The following C8orf34 variants were observed in gnomAD, a reference collection of about 807,000 sequenced individuals.
C8orf34 encodes chromosome 8 open reading frame 34, also known as uncharacterized protein C8orf34.
Under a neutral mutation model 68.3 loss-of-function variants are expected in C8orf34, and 65 were observed. That is an observed-to-expected ratio of 0.95 (90% CI 0.78 to 1.17). The LOEUF (loss-of-function observed/expected upper bound fraction) is 1.17, where lower values mean the gene tolerates loss of function less well. Among genes scored for constraint, C8orf34 ranks in the 50% most tolerant of loss-of-function variants. The pLI, the probability that C8orf34 is intolerant of heterozygous loss-of-function variation, is 0.00. For missense variants in C8orf34, 664 were observed against 655.4 expected, an observed-to-expected ratio of 1.01 and a Z score of -0.14; for synonymous variants, 244 against 241.2, an observed-to-expected ratio of 1.01 and a Z score of -0.11.
intron 5 of C8orf34, among the ~76,000 whole-genome samples, chr8:68,503,905 T>C (rs1813890579): frequency 6.6e-6 from 1 of 152,160 alleles, no homozygotes. Flanking sequence ...GAATTTCATG[T>C]ATTATTTTAA....
chr8:68,488,782 G>A (rs1813186153), intron 5 of C8orf34, among the ~76,000 whole-genome samples: 1 of 152,096 alleles, frequency 6.6e-6, no homozygotes, highest in Admixed American at 6.6e-5. Context: ...TATATGAGTT[G>A]TTGCTTATGA....
intron 1 of C8orf34, among the ~76,000 whole-genome samples, chr8:68,429,002 A>G (rs1810343041): frequency 6.6e-6 from 1 of 152,152 alleles, no homozygotes; most frequent in Non-Finnish European, 1.5e-5. Flanking sequence ...AAAATAACGT[A>G]GGATAATATT....
chr8:68,401,891 G>A (rs556409649), intron 1 of C8orf34, among the ~76,000 whole-genome samples: 6 of 150,152 alleles, frequency 4.0e-5, no homozygotes, highest in South Asian at 2.1e-4. Context: ...GTGTGTGTTC[G>A]TATCTGGTTT....
At chr8:68,440,571 A>C (rs1210851519) in intron 2 of C8orf34, among the ~76,000 whole-genome samples, 1 of 152,084 alleles carries the variant, frequency 6.6e-6, no homozygotes, top group East Asian at 1.9e-4. Context: ...TAGAATATGA[A>C]CTTTTGGCAC....
intron 3 of C8orf34, chr8:68,448,098 T>G (rs1811197255): frequency 2.0e-5 from 3 of 152,132 alleles, no homozygotes; most frequent in Admixed American, 2.0e-4. Flanking sequence ...GTTCAAAACC[T>G]TAGGAGATTA....
chr8:68,353,055 C>G (rs1806581203), intron 1 of C8orf34, among the ~76,000 whole-genome samples: 2 of 152,022 alleles, frequency 1.3e-5, no homozygotes, highest in Non-Finnish European at 2.9e-5. Flanking sequence ...TTAGAAATTA[C>G]CTCCTTTTGA....
intron 8 of C8orf34, among the ~76,000 whole-genome samples, chr8:68,707,452 T>TA (rs555445874): frequency 1.1e-3 from 162 of 152,330 alleles, no homozygotes; most frequent in African/African-American, 3.8e-3. Flanking sequence ...AGCATATTAA[T>TA]AAGTGCTAAA....
intron 7 of C8orf34, among the ~76,000 whole-genome samples, chr8:68,608,613 G>T (rs1237464581): frequency 1.3e-5 from 2 of 151,648 alleles, no homozygotes; most frequent in Admixed American, 6.6e-5. Context: ...ATCAGGCAGG[G>T]TATGAAACAT....
chr8:68,467,845 T>A (rs2129629833), intron 3 of C8orf34, among the ~76,000 whole-genome samples: 1 of 152,168 alleles, frequency 6.6e-6, no homozygotes, highest in East Asian at 1.9e-4. Context: ...CTTTGAGAAG[T>A]CTGGTGTCAA....
intron 5 of C8orf34, among the ~76,000 whole-genome samples, chr8:68,508,199 T>C (rs1814108764): frequency 6.6e-6 from 1 of 152,238 alleles, no homozygotes; most frequent in African/African-American, 2.4e-5. Flanking sequence ...ACTCATCATA[T>C]GTAGCTAAAA....
chr8:68,806,009 C>T (rs141954374), intron 12 of C8orf34, among the ~76,000 whole-genome samples: 3 of 151,548 alleles, frequency 2.0e-5, no homozygotes, highest in African/African-American at 4.8e-5. Flanking sequence ...AAGATTCTTT[C>T]GATAGTTGTT....
chr8:68,433,303 C>G (rs1197309934), intron 1 of C8orf34, among the ~76,000 whole-genome samples: 2 of 152,094 alleles, frequency 1.3e-5, no homozygotes, highest in Non-Finnish European at 2.9e-5. Context: ...TGATAACATG[C>G]CATATGCTAT....
At chr8:68,492,459 C>A (rs141518270) in intron 5 of C8orf34, among the ~76,000 whole-genome samples, 60 of 152,060 alleles carry the variant, frequency 3.9e-4, no homozygotes, top group African/African-American at 1.4e-3. Flanking sequence ...AAACTCCCGG[C>A]CTTAAGCAAT....
At chr8:68,774,276 G>A (rs1823437408) in intron 10 of C8orf34, among the ~76,000 whole-genome samples, 1 of 146,192 alleles carries the variant, frequency 6.8e-6, no homozygotes, top group Admixed American at 6.9e-5. Context: ...AAGATAGTGT[G>A]GGAAGTTCAC....
At chr8:68,670,279 T>G (rs1387248320) in intron 8 of C8orf34, among the ~76,000 whole-genome samples, 1 of 152,164 alleles carries the variant, frequency 6.6e-6, no homozygotes, top group Non-Finnish European at 1.5e-5. Context: ...CAATCCTCAG[T>G]AAATGCAGGG....
chr8:68,747,662 G>A lies in C8orf34; in HGVS notation c.1404+26225G>A, dbSNP rs1248564467. On this transcript the variant is annotated intron_variant, in intron 10 of 13. Transcript: ENST00000518698. The stretch of plus-strand genomic sequence containing the variant: ...TGCTTCAAAGAGAATAAAATACCTA[G>A]GAATCCAACTTTCAAGGGATGTGAA... Among the ~76,000 whole-genome samples, 5 of 152,062 alleles carry A rather than the reference G, an allele frequency of 3.3e-5. No homozygotes were observed. The East Asian group carries it at 7.7e-4, about 24-fold the overall frequency.
chr8:68,715,013 C>T (rs753345134), intron 9 of C8orf34, among the ~76,000 whole-genome samples: 8 of 151,994 alleles, frequency 5.3e-5, no homozygotes, highest in Non-Finnish European at 8.8e-5. Flanking sequence ...CAAACAAAAA[C>T]ATAAAGTGGG....
rs546256670 is a variant in C8orf34 at position 68,713,184 on chromosome 8, G to A, written c.1327+4105G>A. 2.0e-5 allele frequency among the ~76,000 whole-genome samples: 3 copies of A among 152,186 alleles called. No homozygotes were observed. The South Asian group carries it at 6.2e-4, about 32-fold the overall frequency. ...GATACAGTAAAAGTAGCGCTAAGAG[G>A]AAAGTTCATAGCATTAAATGCCTAT... is the stretch of plus-strand genomic sequence containing the variant. On this transcript the variant is annotated intron_variant, in intron 9 of 13. Coordinates refer to ENST00000518698, the MANE Select transcript of C8orf34 (RefSeq NM_052958.4).
chr8:68,633,142 C>T (rs764281629), intron 7 of C8orf34, among the ~76,000 whole-genome samples: 7 of 152,164 alleles, frequency 4.6e-5, no homozygotes, highest in Non-Finnish European at 1.0e-4. Context: ...ATGAGTGTTT[C>T]TACCTCTTTT....
Sources: allele counts gnomAD v4.1 joint callset (sites outside exome capture counted in the v4.1 genomes callset), GRCh38; gene constraint gnomAD v4.1.1; transcripts MANE v1.5; gene names NCBI Gene and HGNC (gene_info 2026-07-23, HGNC 2026-07-21).